Variants in PRKCE observed in about 807,000 individuals in gnomAD.
PRKCE encodes protein kinase C epsilon, also known as protein kinase C epsilon type.
A neutral mutation model predicts 85.4 loss-of-function variants in PRKCE; 16 were observed. The observed-to-expected ratio is 0.19, with a 90% CI of 0.13 to 0.28. The LOEUF (loss-of-function observed/expected upper bound fraction) is 0.28. Ranked by LOEUF, PRKCE falls within the 10% of genes least tolerant of loss-of-function variation. The pLI, the probability that PRKCE is intolerant of heterozygous loss-of-function variation, is 1.00. For synonymous variants in PRKCE, 388 were observed against 371.5 expected (o/e 1.04, Z -0.51); for missense variants, 573 against 975.2 (o/e 0.59, Z 5.49).
intron 2 of PRKCE, among the ~76,000 whole-genome samples, chr2:45,858,493 G>T (rs1692863855): frequency 6.6e-6 from 1 of 151,740 alleles, no homozygotes. Flanking sequence ...TTTTTATGCT[G>T]AACTTATATT....
At chr2:45,758,377 T>C (rs1234675644) in intron 1 of PRKCE, among the ~76,000 whole-genome samples, 1 of 152,222 alleles carries the variant, frequency 6.6e-6, no homozygotes, top group Non-Finnish European at 1.5e-5. Flanking sequence ...TTGGGGAGAA[T>C]CTTGAATGCT....
At position 46,068,212 on chromosome 2, in the gene PRKCE, G is replaced by A. The variant is rs539407930; in HGVS notation, c.1438-17996G>A. Among the ~76,000 whole-genome samples, 38 of 152,140 alleles carry A rather than the reference G, an allele frequency of 2.5e-4. 1 individual carries two copies. Among genetic ancestry groups the A allele is most frequent in the African/African-American group, 7.7e-4 (32 of 41,492 alleles). On this transcript the variant is annotated intron_variant, in intron 10 of 14. Coordinates refer to ENST00000306156, the MANE Select transcript of PRKCE (RefSeq NM_005400.3). This position sits in a 1 kb window ranked among gnomAD's most constrained non-coding sequence, Gnocchi z 4.3. ...CAGGATGAAAAAAATAATCTATTTT[G>A]GTGAGCCACTTGAGTCATAGGCTAT... is the stretch of plus-strand genomic sequence containing the variant.
rs375946306 is a variant in PRKCE at position 45,778,198 on chromosome 2, C to T, written c.349-64802C>T. ...AAGCCAATTGCTGATGGCTTTGCCA[C>T]CAGGTGGCAAAGTTTAGACTTTGTC... is the stretch of plus-strand genomic sequence containing the variant. On this transcript the variant is annotated intron_variant, in intron 1 of 14. Coordinates refer to ENST00000306156, the MANE Select transcript of PRKCE (RefSeq NM_005400.3). Among the ~76,000 whole-genome samples, 24 of 152,192 alleles carry T rather than the reference C, an allele frequency of 1.6e-4. No homozygotes were observed. In the East Asian group the frequency reaches 4.4e-3, roughly 28 times the overall value.
intron 11 of PRKCE, among the ~76,000 whole-genome samples, chr2:46,123,051 T>C (rs1356376519): frequency 6.6e-6 from 1 of 150,920 alleles, no homozygotes; most frequent in Admixed American, 6.6e-5. Context: ...ACCTTGGTCA[T>C]TGTGGCAATA....
At chr2:46,176,491 C>T (rs1679446628) in intron 14 of PRKCE, among the ~76,000 whole-genome samples, 1 of 152,064 alleles carries the variant, frequency 6.6e-6, no homozygotes, top group Admixed American at 6.6e-5. Flanking sequence ...AAAATGTGAA[C>T]TTAGGACACT....
intron 1 of PRKCE, among the ~76,000 whole-genome samples, chr2:45,817,463 G>A (rs1407355708): frequency 6.6e-6 from 1 of 152,112 alleles, no homozygotes; most frequent in African/African-American, 2.4e-5. Context: ...GGAGGCTGAG[G>A]AGGGCGAATC....
At chr2:45,712,137 CTTTTTTTTT>C (rs34233761) in intron 1 of PRKCE, among the ~76,000 whole-genome samples, 3 of 45,798 alleles carry the variant, frequency 6.6e-5, no homozygotes, top group African/African-American at 2.8e-4. Flanking sequence ...ACGGCCTGTC[CTTTTTTTTT>C]TTTTTTTTTT....
chr2:45,764,752 G>A (rs1323831984), intron 1 of PRKCE, among the ~76,000 whole-genome samples: 2 of 152,112 alleles, frequency 1.3e-5, no homozygotes, highest in Non-Finnish European at 2.9e-5. Flanking sequence ...TGAGGCTGGG[G>A]TTACTATTAT....
rs116208269 is a variant in PRKCE at position 45,742,685 on chromosome 2, T to C, written c.348+90237T>C. On this transcript the variant is annotated intron_variant, in intron 1 of 14. Transcript: ENST00000306156. The stretch of plus-strand genomic sequence containing the variant: ...TGGAGAAAAAGGAATCCCTTTACAT[T>C]GTTGGTGATAATGTAAGTTGGTACA... Among the ~76,000 whole-genome samples, 470 of 152,260 alleles carry C rather than the reference T, an allele frequency of 3.1e-3. 4 individuals carry two copies. Among genetic ancestry groups the C allele is most frequent in the African/African-American group, 0.011 (454 of 41,540 alleles).
At chr2:46,104,620 G>A (rs761035408) in intron 11 of PRKCE, among the ~76,000 whole-genome samples, 4 of 152,120 alleles carry the variant, frequency 2.6e-5, no homozygotes, top group Admixed American at 6.5e-5. Flanking sequence ...GAGATATTGT[G>A]TTTGGGGGCA....
At chr2:45,740,159 A>G (rs1487473195) in intron 1 of PRKCE, among the ~76,000 whole-genome samples, 1 of 151,718 alleles carries the variant, frequency 6.6e-6, no homozygotes, top group African/African-American at 2.4e-5. Flanking sequence ...AAAAAAAAAA[A>G]AGGACTTATT....
intron 2 of PRKCE, among the ~76,000 whole-genome samples, chr2:45,947,192 A>G (rs893677028): frequency 1.3e-5 from 2 of 152,258 alleles, no homozygotes; most frequent in African/African-American, 4.8e-5. Context: ...CTTAATCACT[A>G]TGCTGAGTGA....
chr2:45,828,963 A>C (rs1306408537), intron 1 of PRKCE, among the ~76,000 whole-genome samples: 1 of 151,958 alleles, frequency 6.6e-6, no homozygotes, highest in Non-Finnish European at 1.5e-5. Context: ...TTATAATCTC[A>C]TTTTCTCCCA....
chr2:45,864,214 G>T (rs1693399331), intron 2 of PRKCE, among the ~76,000 whole-genome samples: 1 of 152,104 alleles, frequency 6.6e-6, no homozygotes, highest in African/African-American at 2.4e-5. Context: ...AGTCCCATTG[G>T]CCTAGGGGGC....
intron 2 of PRKCE, among the ~76,000 whole-genome samples, chr2:45,912,407 G>A (rs893287213): frequency 6.6e-6 from 1 of 152,172 alleles, no homozygotes; most frequent in Non-Finnish European, 1.5e-5. Context: ...AAAAGCACAC[G>A]TTGCCATCAT....
At chr2:46,149,598 TATA>T (rs756277165) in intron 12 of PRKCE, among the ~76,000 whole-genome samples, 19 of 151,690 alleles carry the variant, frequency 1.3e-4, no homozygotes, top group Non-Finnish European at 2.4e-4. Flanking sequence ...ATTTTATTTA[TATA>T]TGTTATATTT....
At chr2:46,123,826 G>A (rs986182402) in intron 11 of PRKCE, among the ~76,000 whole-genome samples, 2 of 152,192 alleles carry the variant, frequency 1.3e-5, no homozygotes, top group African/African-American at 2.4e-5. Flanking sequence ...GCTCTCAGAA[G>A]TTTGGTGGTA....
chr2:45,911,764 T>C (rs547994631), intron 2 of PRKCE, among the ~76,000 whole-genome samples: 1 of 152,226 alleles, frequency 6.6e-6, no homozygotes, highest in Non-Finnish European at 1.5e-5. Context: ...AGTTCTATAC[T>C]GCCACTTGCT....
chr2:45,705,246 G>T (rs1416005873), intron 1 of PRKCE, among the ~76,000 whole-genome samples: 1 of 152,186 alleles, frequency 6.6e-6, no homozygotes, highest in Admixed American at 6.5e-5. Context: ...AACTATTGTT[G>T]CCCTCTTAGG....
Sources: allele counts gnomAD v4.1 joint callset (sites outside exome capture counted in the v4.1 genomes callset), GRCh38; gene constraint gnomAD v4.1.1; non-coding constraint Gnocchi (gnomAD v3.1); transcripts MANE v1.5; gene names NCBI Gene and HGNC (gene_info 2026-07-23, HGNC 2026-07-21).